FUT9: variants seen among roughly 807,000 people sequenced by gnomAD.
FUT9 encodes fucosyltransferase 9.
In FUT9, 15 loss-of-function variants were observed where a neutral mutation model predicts 29.7. That is an observed-to-expected ratio of 0.51 (90% confidence interval 0.34 to 0.78). FUT9 has a LOEUF of 0.78. FUT9 is among the 30% of genes least tolerant of loss of function. The pLI is 0.01. For missense variants in FUT9, 319 were observed against 425.4 expected, an observed-to-expected ratio of 0.75 and a Z score of 2.20; for synonymous variants, 169 against 153.7, an observed-to-expected ratio of 1.10 and a Z score of -0.74.
At chr6:96,084,376 G>A (rs1294319089) in intron 1 of FUT9, among the ~76,000 whole-genome samples, 1 of 152,068 alleles carries the variant, frequency 6.6e-6, no homozygotes, top group East Asian at 1.9e-4. Flanking sequence ...AGCATTTTGG[G>A]ATAAAAACTA....
At chr6:96,134,446 TTATC>T (rs889700216) in intron 2 of FUT9, among the ~76,000 whole-genome samples, 1 of 151,830 alleles carries the variant, frequency 6.6e-6, no homozygotes, top group African/African-American at 2.4e-5. Flanking sequence ...TCAGGAACAT[TTATC>T]TAATATCTGA....
intron 2 of FUT9, among the ~76,000 whole-genome samples, chr6:96,160,623 A>G (rs1772879870): frequency 6.6e-6 from 1 of 152,158 alleles, no homozygotes; most frequent in Non-Finnish European, 1.5e-5. Flanking sequence ...TGTTCCAAAT[A>G]AGTCAAAAAA....
chr6:96,101,047 A>C (rs1475879122), intron 1 of FUT9, among the ~76,000 whole-genome samples: 2 of 152,196 alleles, frequency 1.3e-5, no homozygotes, highest in Admixed American at 1.3e-4. Flanking sequence ...AAAACTAGAT[A>C]CTTCATATCT....
At chr6:96,161,585 T>G (rs1030368233) in intron 2 of FUT9, among the ~76,000 whole-genome samples, 2 of 152,174 alleles carry the variant, frequency 1.3e-5, no homozygotes, top group African/African-American at 4.8e-5. Flanking sequence ...TTAAATAGTT[T>G]CAGTGTTAGA....
intron 1 of FUT9, among the ~76,000 whole-genome samples, chr6:96,046,044 T>G (rs1392416057): frequency 6.6e-6 from 1 of 152,174 alleles, no homozygotes; most frequent in Non-Finnish European, 1.5e-5. Context: ...CTCACATTCT[T>G]TCTTTGTATG....
intron 2 of FUT9, among the ~76,000 whole-genome samples, chr6:96,137,343 T>C (rs1034915942): frequency 6.6e-6 from 1 of 152,032 alleles, no homozygotes; most frequent in Non-Finnish European, 1.5e-5. Context: ...CATGAGTGCA[T>C]AGTTATATAA....
At chr6:96,055,458 A>C in intron 1 of FUT9, among the ~76,000 whole-genome samples, 1 of 151,800 alleles carries the variant, frequency 6.6e-6, no homozygotes, top group Admixed American at 6.6e-5. Context: ...TCTTTGTCAA[A>C]GATTATATTT....
intron 1 of FUT9, among the ~76,000 whole-genome samples, chr6:96,112,120 G>A (rs1392894833): frequency 6.6e-6 from 1 of 152,188 alleles, no homozygotes; most frequent in African/African-American, 2.4e-5. Flanking sequence ...TGCAAGTGAA[G>A]ATTGTAATAA....
intron 2 of FUT9, among the ~76,000 whole-genome samples, chr6:96,147,991 T>G (rs1772605314): frequency 6.6e-6 from 1 of 151,764 alleles, no homozygotes; most frequent in African/African-American, 2.4e-5. Context: ...AAAATTAGTT[T>G]TAGAAACACT....
chr6:96,049,127 C>T (rs1264344840), intron 1 of FUT9, among the ~76,000 whole-genome samples: 2 of 152,118 alleles, frequency 1.3e-5, no homozygotes, highest in Admixed American at 1.3e-4. Context: ...AATGGATCCT[C>T]TTGAAGTAAG....
At chr6:96,108,306 G>T (rs565584232) in intron 1 of FUT9, among the ~76,000 whole-genome samples, 2 of 152,042 alleles carry the variant, frequency 1.3e-5, no homozygotes, top group Non-Finnish European at 2.9e-5. Flanking sequence ...ATCACACCAA[G>T]AATGAGACTC....
intron 2 of FUT9, among the ~76,000 whole-genome samples, chr6:96,130,502 C>G (rs914864167): frequency 1.3e-5 from 2 of 152,050 alleles, no homozygotes; most frequent in Non-Finnish European, 2.9e-5. Flanking sequence ...GAAAATATCT[C>G]TCTAAAAAGC....
At chr6:96,191,988 G>A (rs377651785) in intron 2 of FUT9, among the ~76,000 whole-genome samples, 1 of 152,114 alleles carries the variant, frequency 6.6e-6, no homozygotes, top group Non-Finnish European at 1.5e-5. Context: ...AAAGGCCTTT[G>A]ACAAAATTCA....
chr6:96,031,360 T>C (rs969319593), intron 1 of FUT9, among the ~76,000 whole-genome samples: 2 of 150,340 alleles, frequency 1.3e-5, no homozygotes, highest in African/African-American at 4.9e-5. Flanking sequence ...CCTTGAAGAG[T>C]TATTGGGAAA....
chr6:96,085,560 A>AT (rs1200207255), intron 1 of FUT9, among the ~76,000 whole-genome samples: 1 of 152,156 alleles, frequency 6.6e-6, no homozygotes, highest in African/African-American at 2.4e-5. Context: ...ATGGCAAAAT[A>AT]TAAGTTCCCT....
chr6:96,180,110 G>C (rs1221198944), intron 2 of FUT9, among the ~76,000 whole-genome samples: 1 of 151,984 alleles, frequency 6.6e-6, no homozygotes, highest in Non-Finnish European at 1.5e-5. Context: ...CTACTGCTTT[G>C]GTGGCAATTT....
chr6:96,156,032 C>T (rs1772778812), intron 2 of FUT9, among the ~76,000 whole-genome samples: 1 of 152,112 alleles, frequency 6.6e-6, no homozygotes, highest in Admixed American at 6.6e-5. Flanking sequence ...GGTTTTGTTG[C>T]AGTAGGAGAC....
At chr6:96,188,953 C>A (rs879499862) in intron 2 of FUT9, among the ~76,000 whole-genome samples, 1 of 151,938 alleles carries the variant, frequency 6.6e-6, no homozygotes, top group Non-Finnish European at 1.5e-5. Flanking sequence ...AGCCTGGTTA[C>A]AATTGAACAG....
At chr6:96,135,247 C>T (rs1772325583) in intron 2 of FUT9, among the ~76,000 whole-genome samples, 1 of 151,864 alleles carries the variant, frequency 6.6e-6, no homozygotes, top group African/African-American at 2.4e-5. Flanking sequence ...ACAGTACATA[C>T]TTATCTATAA....
Sources: allele counts gnomAD v4.1 joint callset (sites outside exome capture counted in the v4.1 genomes callset), GRCh38; gene constraint gnomAD v4.1.1; transcripts MANE v1.5; gene names NCBI Gene and HGNC (gene_info 2026-07-23, HGNC 2026-07-21).